The following SLC12A7 variants were observed in gnomAD, a reference collection of about 807,000 sequenced individuals.
SLC12A7 encodes the protein solute carrier family 12 member 7, also known as K-Cl cotransporter 4.
SLC12A7 carries 100 observed loss-of-function variants against 120.6 expected under a neutral mutation model. The observed-to-expected ratio is 0.83, with a 90% CI of 0.71 to 0.98. The LOEUF (loss-of-function observed/expected upper bound fraction) is 0.98, where lower values mean the gene tolerates loss of function less well. Ranked by LOEUF, SLC12A7 falls within the 50% of genes least tolerant of loss-of-function variation. The pLI is 0.00. For synonymous variants in SLC12A7, 760 were observed against 678.0 expected, an observed-to-expected ratio of 1.12 and a Z score of -1.88; for missense variants, 1,373 against 1,548.1, an observed-to-expected ratio of 0.89 and a Z score of 1.90.
At chr5:1,068,842 C>T (rs924308594) in intron 17 of SLC12A7, among the ~76,000 whole-genome samples, 1 of 152,270 alleles carries the variant, frequency 6.6e-6, no homozygotes, top group Admixed American at 6.5e-5. Flanking sequence ...CGTCATCCCC[C>T]AGTCACTGCA....
rs1305111148 is a variant in SLC12A7, at chr5:1,065,347, C to T, written c.2373G>A (p.Val791=). ...TCCAGGATGCGGGCCAGGCCATGAGCACCGTGTTGTGCTTCAGGCCGCCCA... is the reference window on the plus strand; with the variant it reads ...TCCAGGATGCGGGCCAGGCCATGAGTACCGTGTTGTGCTTCAGGCCGCCCA... ...AGLGGLKHNT[V]LMAWPASWKQ... Residue 791 remains valine (V), a synonymous_variant, in exon 18 of 24, where the codon GTG becomes GTA. Transcript: ENST00000264930. The T allele has an allele frequency of 2.5e-6, 4 of 1,610,312 alleles. No individual in the cohort carries two copies. The Admixed American group carries it at 6.7e-5, about 27-fold the overall frequency.
Position 1,050,901 on chromosome 5 carries a change from C to A in SLC12A7, c.*1459G>T. Reference sequence around the variant, plus strand: ...GGGGGCACAAGTGCAGCCTCTGCCCCGATTTGAACTTTGTTGATGGGGCTG... The same window carrying A: ...GGGGGCACAAGTGCAGCCTCTGCCCAGATTTGAACTTTGTTGATGGGGCTG... On this transcript the variant is annotated 3_prime_UTR_variant, in exon 24 of 24. Transcript: ENST00000264930. The A allele has an allele frequency of 7.5e-6, 3 of 398,646 alleles. No homozygotes were observed. The highest frequency in any genetic ancestry group is 8.8e-6 in the Non-Finnish European group (2 of 226,076). The allele number at this position is 398,646 out of a possible 1,614,324, so 24.7% of individuals were successfully genotyped here. A position where few individuals can be genotyped will look rare whatever the true frequency, so the allele number is the denominator to read the frequency against.
chr5:1,135,613 CT>C, the SLC12A7 span, among the ~76,000 whole-genome samples: 70 of 152,330 alleles, frequency 4.6e-4, no homozygotes, highest in Middle Eastern at 3.4e-3. Context: ...GTGCTTACCC[CT>C]AGTGCCATTT....
Position 1,112,015 on chromosome 5 carries a change from C to A in SLC12A7, c.-24G>T, listed in dbSNP as rs1361912309. The A allele has an allele frequency of 1.6e-6, 2 of 1,253,312 alleles. No individual in the cohort carries two copies. Among genetic ancestry groups the A allele is most frequent in the East Asian group, 3.1e-5 (1 of 32,228 alleles). The allele number at this position is 1,253,312 out of a possible 1,614,324, so 77.6% of individuals were successfully genotyped here. On this transcript the variant is annotated 5_prime_UTR_variant, in exon 1 of 24. Transcript: ENST00000264930. Reference sequence around the variant, plus strand: ...ATGGCCGCCTGCAGCCGACAGTCCCCGTCCCGGCCCGGCCCGCGCTGCGCC... The same window carrying A: ...ATGGCCGCCTGCAGCCGACAGTCCCAGTCCCGGCCCGGCCCGCGCTGCGCC...
chr5:1,081,041 G>A (rs1450585928), intron 9 of SLC12A7, among the ~76,000 whole-genome samples: 1 of 145,970 alleles, frequency 6.9e-6, no homozygotes, highest in African/African-American at 2.6e-5. Context: ...GAGAGGGAGG[G>A]AGGGAAGAAG....
intron 4 of SLC12A7, among the ~76,000 whole-genome samples, chr5:1,088,765 G>A (rs1561084767): frequency 6.6e-6 from 1 of 152,220 alleles, no homozygotes; most frequent in Non-Finnish European, 1.5e-5. Flanking sequence ...ACTAACCCCG[G>A]ACAGTGTGGC....
chr5:1,137,767 G>A, the SLC12A7 span, among the ~76,000 whole-genome samples: 2 of 152,236 alleles, frequency 1.3e-5, 1 homozygote, highest in Non-Finnish European at 2.9e-5. Context: ...TCGCCCAGGT[G>A]CGTCATCAGA....
the SLC12A7 span, among the ~76,000 whole-genome samples, chr5:1,142,480 C>G: frequency 2.5e-5 from 1 of 40,222 alleles, no homozygotes; most frequent in Non-Finnish European, 5.0e-5. Flanking sequence ...TCCCCTCCCC[C>G]TCCCCTTTCC....
intron 9 of SLC12A7, among the ~76,000 whole-genome samples, chr5:1,080,484 T>C (rs1326294210): frequency 6.6e-6 from 1 of 152,210 alleles, no homozygotes; most frequent in East Asian, 1.9e-4. Flanking sequence ...GGCCAGGCCC[T>C]GCAGCTGACC....
the SLC12A7 span, among the ~76,000 whole-genome samples, chr5:1,123,631 G>A: frequency 1.3e-5 from 2 of 152,256 alleles, no homozygotes; most frequent in African/African-American, 4.8e-5. Context: ...GGCGTTCCCC[G>A]CTGAGGGGCC....
chr5:1,064,991 CAAAGGGATGCA>C (rs1736853682), intron 18 of SLC12A7, among the ~76,000 whole-genome samples: 1 of 65,360 alleles, frequency 1.5e-5, no homozygotes, highest in African/African-American at 5.8e-5. Context: ...GAGGGGATGG[CAAAGGGATGCA>C]GAGGAGACTG....
the SLC12A7 span, among the ~76,000 whole-genome samples, chr5:1,125,219 C>A: frequency 6.6e-6 from 1 of 151,974 alleles, no homozygotes; most frequent in Non-Finnish European, 1.5e-5. Flanking sequence ...GAGAAACCCA[C>A]GTGCTGAAGA....
intron 14 of SLC12A7, 105 bp downstream of exon 14, chr5:1,076,033 A>C (rs1190825811): frequency 2.1e-6 from 2 of 953,834 alleles, no homozygotes; most frequent in African/African-American, 1.6e-5. Flanking sequence ...CCAGTGTCCC[A>C]GCCTGTGGGG....
rs777472106 is a variant in SLC12A7, at chr5:1,087,010, A to T, written c.568T>A (p.Ser190Thr). ...VPAGGSYYMISRSLGPEFGGA... is the reference protein window; with the variant it reads ...VPAGGSYYMITRSLGPEFGGA... Reference sequence around the variant, plus strand: ...CCAAACTCGGGTCCCAGCGAGCGCGATATCATGTAGTAGGACCCGCCAGCT... The same window carrying T: ...CCAAACTCGGGTCCCAGCGAGCGCGTTATCATGTAGTAGGACCCGCCAGCT... The change falls in exon 6 of 24, where the codon TCG becomes ACG. Residue 190 changes from serine to threonine, a missense_variant. Coordinates refer to ENST00000264930, the MANE Select transcript of SLC12A7 (RefSeq NM_006598.3). 5 of 1,612,536 alleles carry T rather than the reference A, an allele frequency of 3.1e-6. No homozygotes were observed. The highest frequency in any genetic ancestry group is 1.3e-5 in the African/African-American group (1 of 74,936).
chr5:1,059,010 A>G (rs1159716383), intron 21 of SLC12A7, among the ~76,000 whole-genome samples: 3 of 152,154 alleles, frequency 2.0e-5, no homozygotes, highest in African/African-American at 7.2e-5. Flanking sequence ...GACTCTCCAC[A>G]CTGAACTTCC....
At chr5:1,147,932 G>T in the SLC12A7 span, among the ~76,000 whole-genome samples, 2 of 151,696 alleles carry the variant, frequency 1.3e-5, no homozygotes, top group African/African-American at 4.8e-5. Flanking sequence ...ACGGGATCTT[G>T]CTATGTTGCC....
At chr5:1,111,216 G>A (rs1417766634) in intron 1 of SLC12A7, among the ~76,000 whole-genome samples, 1 of 152,068 alleles carries the variant, frequency 6.6e-6, no homozygotes, top group African/African-American at 2.4e-5. Context: ...AGGGCTGGGG[G>A]ATTCTCTCCC....
intron 1 of SLC12A7, 87 bp downstream of exon 1, chr5:1,111,781 C>T (rs887190832): frequency 1.7e-6 from 2 of 1,166,096 alleles, no homozygotes; most frequent in African/African-American, 1.6e-5. Flanking sequence ...CCCCCGGCCC[C>T]GCCGCCCGCC....
At chr5:1,060,287 CG>C in intron 21 of SLC12A7, 56 bp downstream of exon 21, 1 of 1,335,334 alleles carries the variant, frequency 7.5e-7, no homozygotes, top group Non-Finnish European at 1.1e-6. Flanking sequence ...AAAGACTCGG[CG>C]AAGTCGGCTA....
Sources: gnomAD v4.1 joint callset for allele counts (sites outside exome capture counted in the v4.1 genomes callset) on GRCh38, gnomAD v4.1.1 for gene constraint, MANE v1.5 for transcripts, NCBI Gene and HGNC (gene_info 2026-07-23, HGNC 2026-07-21) for gene names.